The following PSG2 variants were observed in gnomAD, a reference collection of about 807,000 sequenced individuals.
PSG2 encodes pregnancy-specific beta-1-glycoprotein 2.
Under a neutral mutation model 36.2 loss-of-function variants are expected in PSG2, and 49 were observed. The observed-to-expected ratio is 1.35, with a 90% confidence interval of 1.08 to 1.72. The LOEUF (loss-of-function observed/expected upper bound fraction) is 1.72, where lower values mean the gene tolerates loss of function less well. PSG2 is among the 40% of genes most tolerant of loss of function. The pLI, the probability that PSG2 is intolerant of heterozygous loss-of-function variation, is 0.00. For synonymous variants in PSG2, 261 were observed against 155.6 expected (o/e 1.68, Z -5.04); for missense variants, 605 against 407.2 (o/e 1.49, Z -4.18).
intron 4 of PSG2, among the ~76,000 whole-genome samples, chr19:43,068,197 A>C (rs1967767096): frequency 1.3e-5 from 2 of 151,400 alleles, no homozygotes. Flanking sequence ...GCACTTTGGG[A>C]GGTCACAGCA....
chr19:43,071,947 T>C lies in PSG2; in HGVS notation c.717A>G (p.Pro239=), dbSNP rs750339132. The C allele has an allele frequency of 3.1e-6, 5 of 1,612,430 alleles. No individual in the cohort carries two copies. The highest frequency in any genetic ancestry group is 3.4e-6 in the Non-Finnish European group (4 of 1,179,174). ...ATGAAGGGTGAATTCTGGGGAGGTC[T>C]GGACCATCTGGAGCAAAGAGAATAA... ...DPVTLNLLHG[P]DLPRIHPSYT... Residue 239 remains proline, a synonymous_variant, in exon 4 of 6, where the codon CCA becomes CCG. Transcript: ENST00000406487.
intron 1 of PSG2, chr19:43,081,712 T>C (rs1235291782): frequency 1.2e-5 from 2 of 170,218 alleles, no homozygotes; most frequent in East Asian, 3.0e-4. Flanking sequence ...TCTGTCTTCC[T>C]CCCCATGACA....
In PSG2 at chr19:43,064,374, T is replaced by C. The variant is rs1264480875; in HGVS notation, c.*268A>G. On this transcript the variant is annotated 3_prime_UTR_variant, in exon 6 of 6. Transcript: ENST00000406487. Reference sequence around the variant, plus strand: ...AAAAAATGTTCATAAATCTGGAGAATGAAACATTCCAAGAATCAGCACATT... The same window carrying C: ...AAAAAATGTTCATAAATCTGGAGAACGAAACATTCCAAGAATCAGCACATT... 3 of 311,554 alleles carry C rather than the reference T, an allele frequency of 9.6e-6. No individual in the cohort carries two copies. The highest frequency in any genetic ancestry group is 1.1e-4 in the Admixed American group (2 of 18,998). The allele number at this position is 311,554 out of a possible 1,614,324, so 19.3% of individuals were successfully genotyped here. A position where few individuals can be genotyped will look rare whatever the true frequency, so the allele number is the denominator to read the frequency against.
In PSG2 at chr19:43,075,581, G is replaced by A. The variant is rs1271619391; in HGVS notation, c.482C>T (p.Ala161Val). The part of the protein sequence containing the change: ...ISSSNLNPRE[A>V]METVILTCDP... Reference sequence around the variant, plus strand: ...ACAGGTTAAGATCACAGTTTCCATGGCCTCCCTGGGGTTTAAGTTGCTGCT... The same window carrying A: ...ACAGGTTAAGATCACAGTTTCCATGACCTCCCTGGGGTTTAAGTTGCTGCT... The change falls in exon 3 of 6, where the codon GCC (alanine) becomes GTC (valine). Residue 161 changes from alanine (A) to valine (V), a missense_variant. Ala to Val is a moderately conservative substitution (Grantham distance 64). Coordinates refer to ENST00000406487, the MANE Select transcript of PSG2 (RefSeq NM_031246.4). 1 of 1,613,240 alleles carries A rather than the reference G, an allele frequency of 6.2e-7. No homozygotes were observed. The highest frequency in any genetic ancestry group is 1.1e-5 in the South Asian group (1 of 91,048).
intron 3 of PSG2, among the ~76,000 whole-genome samples, chr19:43,073,356 C>T (rs1379600619): frequency 6.6e-6 from 1 of 151,736 alleles, no homozygotes; most frequent in Non-Finnish European, 1.5e-5. Flanking sequence ...AGCATGTTCC[C>T]TGTCTTGGGT....
chr19:43,064,443 G>A lies in PSG2; in HGVS notation c.*199C>T, dbSNP rs1967712239. 1 of 388,096 alleles carries A rather than the reference G, an allele frequency of 2.6e-6. No individual in the cohort carries two copies. Among genetic ancestry groups the A allele is most frequent in the Non-Finnish European group, 4.9e-6 (1 of 205,068 alleles). The allele number at this position is 388,096 out of a possible 1,614,324, so 24.0% of individuals were successfully genotyped here. ...AAATCATTATCCTTTTGATTATTTA[G>A]TCCAATAACATTGAGTATTTTTCTT... On this transcript the variant is annotated 3_prime_UTR_variant, in exon 6 of 6. Transcript: ENST00000406487.
At chr19:43,065,489 C>G (rs1021986283) in intron 5 of PSG2, 32 of 151,784 alleles carry the variant, frequency 2.1e-4, no homozygotes, top group Middle Eastern at 3.4e-3. Context: ...GCCTGGGTCC[C>G]TCTCCAGACC....
chr19:43,081,247 C>T lies in PSG2; in HGVS notation c.65-1G>A. ...AGGTTCCAGAAGTTTAAAAGTGATG[C>T]TAGGAGGTGGAGAGAGCATCAGACA... On this transcript the variant is annotated splice_acceptor_variant, in intron 1 of 5. Coordinates refer to ENST00000406487, the MANE Select transcript of PSG2 (RefSeq NM_031246.4). LOFTEE classifies it high-confidence loss of function. 1 of 1,610,434 alleles carries T rather than the reference C, an allele frequency of 6.2e-7. No individual in the cohort carries two copies. Among genetic ancestry groups the T allele is most frequent in the South Asian group, 1.1e-5 (1 of 90,838 alleles).
chr19:43,080,813 A>G (rs1438784146), intron 2 of PSG2, 68 bp downstream of exon 2: 38 of 1,611,924 alleles, frequency 2.4e-5, no homozygotes, highest in Non-Finnish European at 3.2e-5. Context: ...AGGCCTGACA[A>G]TCCTGTGTGT....
intron 4 of PSG2, among the ~76,000 whole-genome samples, chr19:43,071,156 C>T (rs970850639): frequency 2.0e-5 from 3 of 151,478 alleles, no homozygotes. Context: ...GGGTCTTTCT[C>T]CACACATGCT....
chr19:43,081,106 T>C lies in PSG2; in HGVS notation c.205A>G (p.Lys69Glu), dbSNP rs145925884. The change falls in exon 2 of 6, where the codon AAA becomes GAA. Residue 69 changes from lysine (K) to glutamate (E), a missense_variant. Physicochemically the swap from Lys to Glu is moderately conservative, Grantham distance 56. Transcript: ENST00000406487. ...PQNLTGYIWY[K>E]GQIRDLYHYI... ...TGGTAGAGGTCCCTGATTTGCCCTT[T>C]GTACCAGATGTAGCCAGTAAGATTC... 1.9e-6 allele frequency: 3 copies of C among 1,612,864 alleles called. No homozygotes were observed. Among genetic ancestry groups the C allele is most frequent in the Non-Finnish European group, 1.7e-6 (2 of 1,179,666 alleles).
intron 4 of PSG2, among the ~76,000 whole-genome samples, chr19:43,068,462 AAAAAAAAG>A (rs1377581522): frequency 7.0e-5 from 10 of 142,776 alleles, no homozygotes; most frequent in African/African-American, 2.6e-4. Context: ...CAACAAAAAA[AAAAAAAAG>A]AAAGAAAGAA....
intron 1 of PSG2, chr19:43,081,689 A>C: frequency 5.6e-6 from 1 of 179,778 alleles, no homozygotes; most frequent in South Asian, 1.3e-4. Context: ...CACATTCTAG[A>C]TCTCTTTGTA....
Position 43,071,041 on chromosome 19 carries a change from T to A in PSG2, c.964+659A>T, listed in dbSNP as rs371579629. Among the ~76,000 whole-genome samples, 41 of 151,302 alleles carry A rather than the reference T, an allele frequency of 2.7e-4. 1 individual carries two copies. The East Asian group carries it at 4.9e-3, about 18-fold the overall frequency. On this transcript the variant is annotated intron_variant, in intron 4 of 5. Coordinates refer to ENST00000406487, the MANE Select transcript of PSG2 (RefSeq NM_031246.4). ...TCAGAGCCAGGACCAGGCTTAGGAGTCTGCCCTGAGGCTCCTTCTCTTCTC... is the reference window on the plus strand; with the variant it reads ...TCAGAGCCAGGACCAGGCTTAGGAGACTGCCCTGAGGCTCCTTCTCTTCTC...
In PSG2 at chr19:43,071,805, A is replaced by G; in HGVS notation, c.859T>C (p.Phe287Leu). Residue 287 changes from phenylalanine to leucine, a missense_variant, in exon 4 of 6, where the codon TTT (phenylalanine) becomes CTT (leucine). Coordinates refer to ENST00000406487, the MANE Select transcript of PSG2 (RefSeq NM_031246.4). ...GKFQQSGQNL[F>L]IPQITTKHSG... ...TGCTTTGTAGTAATTTGGGGGATAA[A>G]CAGATTTTGTCCTGATTGCTGAAAC... 1.2e-6 allele frequency: 2 copies of G among 1,613,032 alleles called. No individual in the cohort carries two copies. Among genetic ancestry groups the G allele is most frequent in the Non-Finnish European group, 8.5e-7 (1 of 1,179,558 alleles).
At position 43,068,074 on chromosome 19, in the gene PSG2, C is replaced by G. The variant is rs1390929317; in HGVS notation, c.965-1474G>C. Among the ~76,000 whole-genome samples the G allele has an allele frequency of 2.6e-5, 4 of 151,286 alleles. No individual in the cohort carries two copies. In the East Asian group the frequency reaches 5.8e-4, roughly 22 times the overall value. On this transcript the variant is annotated intron_variant, in intron 4 of 5. Transcript: ENST00000406487. Reference sequence around the variant, plus strand: ...AGTTGATTCTTCAAAATAAAATCAACAAAATTGACAACCATTAACTAGATT... The same window carrying G: ...AGTTGATTCTTCAAAATAAAATCAAGAAAATTGACAACCATTAACTAGATT...
intron 2 of PSG2, among the ~76,000 whole-genome samples, chr19:43,079,616 C>A (rs1208616908): frequency 6.6e-6 from 1 of 151,608 alleles, no homozygotes; most frequent in East Asian, 1.9e-4. Context: ...GTGACATGGA[C>A]ACTTTGGGAA....
chr19:43,066,023 C>G lies in PSG2; in HGVS notation c.*40+494G>C, dbSNP rs114785598. The stretch of plus-strand genomic sequence containing the variant: ...AAGTAGAGGTAAAGGAAGTGAGAAG[C>G]CTTAGTAAATAGAAGAAATGTGAAC... On this transcript the variant is annotated intron_variant, in intron 5 of 5. Transcript: ENST00000406487. The G allele has an allele frequency of 2.6e-3, 413 of 157,484 alleles. 9 individuals carry two copies. Among genetic ancestry groups the G allele is most frequent in the African/African-American group, 8.8e-3 (362 of 41,066 alleles). The allele number at this position is 157,484 out of a possible 1,614,324, so 9.8% of individuals were successfully genotyped here.
intron 4 of PSG2, among the ~76,000 whole-genome samples, 178 bp from the exon 5 acceptor site, chr19:43,066,778 CA>C (rs1967745682): frequency 6.6e-6 from 1 of 151,444 alleles, no homozygotes; most frequent in African/African-American, 2.4e-5. Flanking sequence ...TCCCTCTCAC[CA>C]TGTGTCTCGG....
Sources: allele counts gnomAD v4.1 joint callset (sites outside exome capture counted in the v4.1 genomes callset), GRCh38; gene constraint gnomAD v4.1.1; transcripts MANE v1.5; gene names NCBI Gene and HGNC (gene_info 2026-07-23, HGNC 2026-07-21).